Variants in TAF4B observed in about 807,000 individuals in gnomAD.
TAF4B encodes the protein transcription initiation factor TFIID subunit 4B.
A neutral mutation model predicts 86.4 loss-of-function variants in TAF4B; 38 were observed. That is an observed-to-expected ratio of 0.44 (90% confidence interval 0.34 to 0.58). The LOEUF is 0.58. Ranked by LOEUF, TAF4B falls within the 20% of genes least tolerant of loss-of-function variation. The probability of loss-of-function intolerance (pLI) is 0.02; values close to 1 mark genes in which losing one functional copy is unlikely to be tolerated. For synonymous variants in TAF4B, 388 were observed against 391.2 expected (o/e 0.99, Z 0.10); for missense variants, 988 against 1,027.6 (o/e 0.96, Z 0.53).
At chr18:26,229,996 T>C (rs549038064) in intron 1 of TAF4B, among the ~76,000 whole-genome samples, 13 of 151,184 alleles carry the variant, frequency 8.6e-5, no homozygotes, top group South Asian at 4.2e-4. Context: ...CACACACACA[T>C]ATACATATAT....
At chr18:26,367,348 C>T (rs963594800) in intron 14 of TAF4B, among the ~76,000 whole-genome samples, 5 of 152,080 alleles carry the variant, frequency 3.3e-5, no homozygotes, top group Admixed American at 6.5e-5. Context: ...CAGTCCAAGG[C>T]GGAAGGCCTG....
intron 14 of TAF4B, among the ~76,000 whole-genome samples, chr18:26,388,478 G>A (rs925296572): frequency 2.6e-5 from 4 of 152,222 alleles, no homozygotes; most frequent in Admixed American, 6.5e-5. Context: ...TCCTCAGAAA[G>A]CTTATGGTCT....
intron 13 of TAF4B, among the ~76,000 whole-genome samples, chr18:26,344,575 G>A (rs1057228578): frequency 7.2e-5 from 11 of 152,138 alleles, no homozygotes; most frequent in African/African-American, 2.7e-4. Flanking sequence ...TCACAATGAA[G>A]TCAGATGACA....
chr18:26,312,523 AG>A (rs1171347706), intron 9 of TAF4B, among the ~76,000 whole-genome samples: 1 of 152,190 alleles, frequency 6.6e-6, no homozygotes, highest in Non-Finnish European at 1.5e-5. Flanking sequence ...GCTCATTTGC[AG>A]GGAAAGGCTG....
At chr18:26,352,610 A>G (rs1260750582) in intron 13 of TAF4B, among the ~76,000 whole-genome samples, 1 of 152,094 alleles carries the variant, frequency 6.6e-6, no homozygotes, top group Non-Finnish European at 1.5e-5. Context: ...GCTCACTGCA[A>G]CCTCTGCCTC....
At chr18:26,254,362 GTAAATT>G (rs1162345915) in intron 1 of TAF4B, among the ~76,000 whole-genome samples, 2 of 150,906 alleles carry the variant, frequency 1.3e-5, no homozygotes, top group African/African-American at 4.9e-5. Flanking sequence ...TTCTCTTTTA[GTAAATT>G]TTAGTTTTAA....
At chr18:26,316,072 G>A (rs1488777366) in intron 10 of TAF4B, among the ~76,000 whole-genome samples, 1 of 151,474 alleles carries the variant, frequency 6.6e-6, no homozygotes, top group Non-Finnish European at 1.5e-5. Context: ...GGTGTGGTGG[G>A]GGTGCGCCTG....
chr18:26,339,943 C>CT (rs1490625485), intron 13 of TAF4B, among the ~76,000 whole-genome samples: 1 of 152,192 alleles, frequency 6.6e-6, no homozygotes, highest in Non-Finnish European at 1.5e-5. Context: ...AATTCATTTA[C>CT]TTTCTTTTTA....
At chr18:26,260,466 T>A (rs1174054775) in intron 1 of TAF4B, among the ~76,000 whole-genome samples, 1 of 152,230 alleles carries the variant, frequency 6.6e-6, no homozygotes. Flanking sequence ...GTATAAGGTA[T>A]AAGGAAGGGA....
intron 14 of TAF4B, among the ~76,000 whole-genome samples, chr18:26,379,907 T>C (rs1018623786): frequency 1.3e-5 from 2 of 151,852 alleles, no homozygotes; most frequent in Non-Finnish European, 2.9e-5. Context: ...ATAGGTATAT[T>C]TTTTTGATGC....
chr18:26,293,559 T>G (rs1480436723), intron 9 of TAF4B, 28 bp downstream of exon 9: 1 of 1,464,380 alleles, frequency 6.8e-7, no homozygotes. Flanking sequence ...TAAATTTGGT[T>G]TAAGGAAGTA....
At chr18:26,370,364 T>A (rs755943064) in intron 14 of TAF4B, among the ~76,000 whole-genome samples, 17 of 152,002 alleles carry the variant, frequency 1.1e-4, no homozygotes, top group Middle Eastern at 3.2e-3. Context: ...TGGGAAAGAG[T>A]GGAAAATTAA....
chr18:26,360,607 T>C (rs1389688553), intron 14 of TAF4B, among the ~76,000 whole-genome samples: 1 of 152,224 alleles, frequency 6.6e-6, no homozygotes, highest in Non-Finnish European at 1.5e-5. Context: ...CATAAATCTT[T>C]GATTCGTACC....
At chr18:26,290,277 C>A (rs895989267) in intron 7 of TAF4B, among the ~76,000 whole-genome samples, 1 of 152,068 alleles carries the variant, frequency 6.6e-6, no homozygotes, top group Non-Finnish European at 1.5e-5. Flanking sequence ...GTAGCTAGGA[C>A]TACAGGTGCA....
At chr18:26,336,664 C>G (rs1017364397) in intron 13 of TAF4B, among the ~76,000 whole-genome samples, 1 of 152,190 alleles carries the variant, frequency 6.6e-6, no homozygotes, top group Non-Finnish European at 1.5e-5. Flanking sequence ...ACCTATAATT[C>G]TCTTTAAGCA....
chr18:26,262,082 C>T (rs147269093), intron 1 of TAF4B, among the ~76,000 whole-genome samples: 1 of 152,084 alleles, frequency 6.6e-6, no homozygotes, highest in Non-Finnish European at 1.5e-5. Flanking sequence ...TCCAAGTGTT[C>T]CCAGTGTGCT....
intron 9 of TAF4B, among the ~76,000 whole-genome samples, chr18:26,313,794 T>C (rs370542141): frequency 1.8e-4 from 28 of 152,104 alleles, no homozygotes; most frequent in East Asian, 5.8e-4. Flanking sequence ...GCCTCTCAAG[T>C]AGCTGGAACC....
intron 14 of TAF4B, among the ~76,000 whole-genome samples, chr18:26,369,384 C>G (rs572151513): frequency 6.6e-6 from 1 of 152,306 alleles, no homozygotes; most frequent in South Asian, 2.1e-4. Flanking sequence ...AGTTAAGACT[C>G]AGGACTGCTC....
intron 13 of TAF4B, among the ~76,000 whole-genome samples, chr18:26,354,048 A>G (rs1201497614): frequency 6.6e-6 from 1 of 152,136 alleles, no homozygotes. Flanking sequence ...AAATTTTTGC[A>G]CGTGGATGTT....
Sources: gnomAD v4.1 joint callset for allele counts (sites outside exome capture counted in the v4.1 genomes callset) on GRCh38, gnomAD v4.1.1 for gene constraint, MANE v1.5 for transcripts, NCBI Gene and HGNC (gene_info 2026-07-23, HGNC 2026-07-21) for gene names.